LCN15: variants seen among roughly 807,000 people sequenced by gnomAD.
The protein encoded by LCN15 is lipocalin 15.
In LCN15, 26 loss-of-function variants were observed where a neutral mutation model predicts 23.1. The observed-to-expected ratio is 1.13, with a 90% CI of 0.82 to 1.56. The LOEUF (loss-of-function observed/expected upper bound fraction) is 1.56. Among genes scored for constraint, LCN15 ranks in the 40% most tolerant of loss-of-function variants. The probability of loss-of-function intolerance (pLI) is 0.00; values close to 1 mark genes in which losing one functional copy is unlikely to be tolerated. For synonymous variants in LCN15, 107 were observed against 98.3 expected, an observed-to-expected ratio of 1.09 and a Z score of -0.52; for missense variants, 241 against 239.5, an observed-to-expected ratio of 1.01 and a Z score of -0.04.
In LCN15 at chr9:136,764,444, C is replaced by T. The variant is rs369423498; in HGVS notation, c.45G>A (p.Ala15=). 6.2e-6 allele frequency: 10 copies of T among 1,613,148 alleles called. No individual in the cohort carries two copies. The highest frequency in any genetic ancestry group is 5.3e-5 in the African/African-American group (4 of 74,888). The change falls in exon 1 of 7, where the codon GCG becomes GCA. Residue 15 remains alanine (A), a synonymous_variant. Transcript: ENST00000316144. ...LLGAILTLLW[A]PTAQAEVLLQ... is the part of the protein sequence containing the mutation. ...GCAGAACCTCAGCCTGAGCCGTGGG[C>T]GCCCAGAGCAGGGTCAGGATTGCGC...
At chr9:136,763,682 C>A (rs1479073103) in intron 3 of LCN15, 31 bp downstream of exon 3, 8 of 1,608,488 alleles carry the variant, frequency 5.0e-6, no homozygotes. Flanking sequence ...CGGCATCCAG[C>A]ACCCCTGAAG....
chr9:136,764,188 T>A, intron 1 of LCN15, 179 bp from the exon 2 acceptor site: 1 of 834,114 alleles, frequency 1.2e-6, no homozygotes, highest in Non-Finnish European at 1.9e-6. Flanking sequence ...AGTGCAACTG[T>A]GAGCCTCAGT....
At position 136,763,399 on chromosome 9, in the gene LCN15, T is replaced by A; in HGVS notation, c.376A>T (p.Lys126Ter). ...GTGCTGAGGGCCCCCTCCAGCTCCT[T>A]GTAGATGTAAAGGACGGCGAAGGAG... ...YSSFAVLYIY[K>*]ELEGALSTMV... The change falls in exon 4 of 7, where the codon AAG (lysine) becomes TAG (stop). Residue 126 changes from lysine (K) to a stop codon, truncating the protein, a stop_gained. Coordinates refer to ENST00000316144, the MANE Select transcript of LCN15 (RefSeq NM_203347.2). LOFTEE classifies it high-confidence loss of function. 1 of 1,607,898 alleles carries A rather than the reference T, an allele frequency of 6.2e-7. No individual in the cohort carries two copies. Among genetic ancestry groups the A allele is most frequent in the Non-Finnish European group, 8.5e-7 (1 of 1,177,552 alleles).
Position 136,763,435 on chromosome 9 carries a change from T to C in LCN15, c.340A>G (p.Thr114Ala), listed in dbSNP as rs1193205327. The change falls in exon 4 of 7, where the codon ACA (threonine) becomes GCA (alanine). Residue 114 changes from threonine to alanine, a missense_variant. Thr to Ala is a moderately conservative substitution (Grantham distance 58, BLOSUM62 0). Coordinates refer to ENST00000316144, the MANE Select transcript of LCN15 (RefSeq NM_203347.2). ...AGGACGGCGAAGGAGCTGTAGTCTG[T>C]GTCCACGATGCGCACGTCCAGGTAG... ...LGYLDVRIVDTDYSSFAVLYI... is the reference protein window; with the variant it reads ...LGYLDVRIVDADYSSFAVLYI... 4 of 1,609,506 alleles carry C rather than the reference T, an allele frequency of 2.5e-6. No individual in the cohort carries two copies. The highest frequency in any genetic ancestry group is 2.2e-5 in the East Asian group (1 of 44,862).
At chr9:136,764,306 C>T in intron 1 of LCN15, 87 bp downstream of exon 1, 1 of 1,355,736 alleles carries the variant, frequency 7.4e-7, no homozygotes, top group Non-Finnish European at 1.0e-6. Context: ...GCAAGCGCCC[C>T]AGGAAAGGCA....
chr9:136,764,143 C>A, intron 1 of LCN15, 134 bp from the exon 2 acceptor site: 1 of 1,130,228 alleles, frequency 8.8e-7, no homozygotes, highest in Non-Finnish European at 1.3e-6. Flanking sequence ...GTGAGCTGAG[C>A]CCAGGTGGAC....
Position 136,763,898 on chromosome 9 carries a change from C to T in LCN15, c.208G>A (p.Gly70Ser), listed in dbSNP as rs72772789. The change falls in exon 2 of 7, where the codon GGC becomes AGC. Residue 70 changes from glycine (G) to serine (S), a missense_variant. Gly to Ser is a moderately conservative substitution (Grantham distance 56). Transcript: ENST00000316144. ...GGGAACTCCATGTGGACGTGGAGGC[C>T]GCCCTCCTCTGTGGGCCTGATGGCC... ...TRAIRPTEEG[G>S]LHVHMEFPGA... The T allele has an allele frequency of 1.5e-4, 238 of 1,613,658 alleles. No individual in the cohort carries two copies. The highest frequency in any genetic ancestry group is 1.9e-4 in the Non-Finnish European group (223 of 1,179,980).
chr9:136,763,304 G>A, intron 4 of LCN15, 53 bp downstream of exon 4: 1 of 983,190 alleles, frequency 1.0e-6, no homozygotes, highest in Middle Eastern at 3.5e-4. Context: ...GGGGGGCGGG[G>A]CCTGTGGGAA....
chr9:136,760,672 C>A (rs1488622712), intron 6 of LCN15, among the ~76,000 whole-genome samples: 1 of 152,248 alleles, frequency 6.6e-6, no homozygotes, highest in Non-Finnish European at 1.5e-5. Context: ...ACCCCGCCCG[C>A]ACGTGGCTCC....
At position 136,762,752 on chromosome 9, in the gene LCN15, T is replaced by A. The variant is rs973432223; in HGVS notation, c.419-463A>T. ...CCGTCTCTACTAAAAATACAAAAAA[T>A]TATTTATATTTTTACAAATACAAAT... On this transcript the variant is annotated intron_variant, in intron 4 of 6. Transcript: ENST00000316144. 8.6e-5 allele frequency among the ~76,000 whole-genome samples: 13 copies of A among 151,984 alleles called. No individual in the cohort carries two copies. In the East Asian group the frequency reaches 9.7e-4, roughly 11 times the overall value.
intron 6 of LCN15, among the ~76,000 whole-genome samples, chr9:136,760,544 G>C (rs553365263): frequency 1.3e-5 from 2 of 151,720 alleles, no homozygotes; most frequent in African/African-American, 2.4e-5. Flanking sequence ...CCCTCCAGAC[G>C]CCGGTGACTG....
chr9:136,763,984 G>C lies in LCN15; in HGVS notation c.122C>G (p.Ser41Cys), dbSNP rs771327194. 2.5e-6 allele frequency: 4 copies of C among 1,613,196 alleles called. No individual in the cohort carries two copies. Among genetic ancestry groups the C allele is most frequent in the Non-Finnish European group, 3.4e-6 (4 of 1,179,972 alleles). The change falls in exon 2 of 7, where the codon TCC becomes TGC. Residue 41 changes from serine to cysteine, a missense_variant. Physicochemically the swap from Ser to Cys is moderately radical, Grantham distance 112. Coordinates refer to ENST00000316144, the MANE Select transcript of LCN15 (RefSeq NM_203347.2). ...GAAGACCCTGCAGTCAGATGCCATG[G>C]AGACCACGTACCAGAGGCCTGAGAA... is the stretch of plus-strand genomic sequence containing the variant. ...EKFSGLWYVV[S>C]MASDCRVFLG... is the part of the protein sequence containing the mutation.
rs538001088 is a variant in LCN15 at position 136,763,602 on chromosome 9, G to C, written c.307+111C>G. The C allele has an allele frequency of 1.3e-5, 17 of 1,332,292 alleles. No individual in the cohort carries two copies. In the South Asian group the frequency reaches 2.3e-4, roughly 18 times the overall value. 82.5% of individuals were successfully genotyped at this position (1,332,292 alleles called of 1,614,324 possible). A position where few individuals can be genotyped will look rare whatever the true frequency, so the allele number is the denominator to read the frequency against. ...AGAGGAGGGGCGGGGAGGGCGGGCA[G>C]GGGGCTGGAGACTGGGATGGACAGC... On this transcript the variant is annotated intron_variant, in intron 3 of 6. Transcript: ENST00000316144.
intron 3 of LCN15, 107 bp downstream of exon 3, chr9:136,763,606 G>C: frequency 7.4e-7 from 1 of 1,351,546 alleles, no homozygotes; most frequent in Admixed American, 2.0e-5. Flanking sequence ...CGGGCAGGGG[G>C]CTGGAGACTG....
At position 136,763,907 on chromosome 9, in the gene LCN15, C is replaced by T. The variant is rs1847351236; in HGVS notation, c.199G>A (p.Glu67Lys). The T allele has an allele frequency of 6.2e-7, 1 of 1,613,590 alleles. No homozygotes were observed. Among genetic ancestry groups the T allele is most frequent in the South Asian group, 1.1e-5 (1 of 91,090 alleles). ...SMSTRAIRPT[E>K]EGGLHVHMEF... ...ATGTGGACGTGGAGGCCGCCCTCCT[C>T]TGTGGGCCTGATGGCCCTGGTGGAC... Residue 67 changes from glutamate to lysine, a missense_variant, in exon 2 of 7, where the codon GAG (glutamate) becomes AAG (lysine). Physicochemically the swap from Glu to Lys is moderately conservative, Grantham distance 56. Coordinates refer to ENST00000316144, the MANE Select transcript of LCN15 (RefSeq NM_203347.2).
chr9:136,763,217 C>T (rs1847339516), intron 4 of LCN15, 140 bp downstream of exon 4: 1 of 527,874 alleles, frequency 1.9e-6, no homozygotes, highest in Admixed American at 4.0e-5. Flanking sequence ...GCCTAAAAGG[C>T]GGGGGGCGGA....
rs1033049148 is a variant in LCN15 at position 136,761,222 on chromosome 9, T to C, written c.*32+565A>G. Among the ~76,000 whole-genome samples the C allele has an allele frequency of 6.6e-6, 1 of 152,226 alleles. No individual in the cohort carries two copies. Among genetic ancestry groups the C allele is most frequent in the Non-Finnish European group, 1.5e-5 (1 of 68,038 alleles). On this transcript the variant is annotated intron_variant, in intron 6 of 6. Coordinates refer to ENST00000316144, the MANE Select transcript of LCN15 (RefSeq NM_203347.2). This position sits in a 1 kb window ranked among gnomAD's most constrained non-coding sequence, Gnocchi z 4.2. ...CCCTGTGGACATCTTGATTTTGGAC[T>C]TCTGGCCTCCAGAACTGGGAGAGAT...
At position 136,761,850 on chromosome 9, in the gene LCN15, G is replaced by A; in HGVS notation, c.524C>T (p.Ala175Val). The A allele has an allele frequency of 7.6e-7, 1 of 1,324,068 alleles. No individual in the cohort carries two copies. The allele number at this position is 1,324,068 out of a possible 1,614,324, so 82.0% of individuals were successfully genotyped here. Reference sequence around the variant, plus strand: ...CGCCTCCTTGCTCTCAGGGTTGCATGCATCTGTGGGGAGGAAGACATCCGT... The same window carrying A: ...CGCCTCCTTGCTCTCAGGGTTGCATACATCTGTGGGGAGGAAGACATCCGT... The part of the protein sequence containing the change: ...DMMVMLPQSD[A>V]CNPESKEAP The change falls in exon 6 of 7, where the codon GCA becomes GTA. Residue 175 changes from alanine to valine, a missense_variant. Physicochemically the swap from Ala to Val is moderately conservative, Grantham distance 64. Transcript: ENST00000316144. This position sits in a 1 kb window ranked among gnomAD's most constrained non-coding sequence, Gnocchi z 4.2.
rs1048644406 is a variant in LCN15, at chr9:136,762,025, G to A, written c.520+163C>T. Among the ~76,000 whole-genome samples, 6 of 152,294 alleles carry A rather than the reference G, an allele frequency of 3.9e-5. No individual in the cohort carries two copies. The East Asian group carries it at 1.2e-3, about 29-fold the overall frequency. On this transcript the variant is annotated intron_variant, in intron 5 of 6. Transcript: ENST00000316144. ...AAAGCCTCTCCCGTAGTCTGTTCTG[G>A]GGGAGGTGGGGTAGGGGCTGCAGGG...
Sources: allele counts gnomAD v4.1 joint callset (sites outside exome capture counted in the v4.1 genomes callset), GRCh38; gene constraint gnomAD v4.1.1; non-coding constraint Gnocchi (gnomAD v3.1); transcripts MANE v1.5; gene names NCBI Gene and HGNC (gene_info 2026-07-23, HGNC 2026-07-21).